CSMD1: variants seen among roughly 807,000 people sequenced by gnomAD.
The protein encoded by CSMD1 is CUB and Sushi multiple domains 1.
A neutral mutation model predicts 417.5 loss-of-function variants in CSMD1; 213 were observed. The ratio of observed to expected loss-of-function variants is 0.51; its 90% CI spans 0.46 to 0.57. The LOEUF (loss-of-function observed/expected upper bound fraction) is 0.57. Ranked by LOEUF, CSMD1 falls within the 20% of genes least tolerant of loss-of-function variation. The probability of loss-of-function intolerance (pLI) is 0.00; values close to 1 mark genes in which losing one functional copy is unlikely to be tolerated. For missense variants in CSMD1, 6,923 were observed against 4,529.7 expected (o/e 1.53, Z -15.17); for synonymous variants, 2,862 against 1,736.8 (o/e 1.65, Z -16.11).
chr8:4,795,388 C>A (rs1585111574), intron 1 of CSMD1, among the ~76,000 whole-genome samples: 2 of 148,882 alleles, frequency 1.3e-5, no homozygotes, highest in South Asian at 4.3e-4. Context: ...TCTCCTGCCT[C>A]AGCCTTCCGA....
chr8:3,606,087 G>A (rs533741632), intron 8 of CSMD1, among the ~76,000 whole-genome samples: 1 of 152,176 alleles, frequency 6.6e-6, no homozygotes, highest in South Asian at 2.1e-4. Context: ...AAAACTCAAA[G>A]ATGCTAGGAA....
intron 49 of CSMD1, among the ~76,000 whole-genome samples, chr8:3,086,726 T>G (rs2129005927): frequency 6.6e-6 from 1 of 152,270 alleles, no homozygotes; most frequent in East Asian, 1.9e-4. Context: ...AAAGAATGAG[T>G]TTTTAAACTA....
chr8:3,371,957 C>T (rs1031249933), intron 18 of CSMD1, among the ~76,000 whole-genome samples: 1 of 152,134 alleles, frequency 6.6e-6, no homozygotes, highest in Non-Finnish European at 1.5e-5. Context: ...GCAAGCTCTG[C>T]CCCCAGCATC....
In CSMD1 at chr8:4,402,568, G is replaced by A. The variant is rs541557887; in HGVS notation, c.415+17385C>T. On this transcript the variant is annotated intron_variant, in intron 3 of 69. Transcript: ENST00000635120. The stretch of plus-strand genomic sequence containing the variant: ...GCCTCTTTATTCTTCCACTCTTGAA[G>A]GGAGACTTTTATAGAAGATGCTTTG... 6.6e-5 allele frequency among the ~76,000 whole-genome samples: 10 copies of A among 152,244 alleles called. No homozygotes were observed. In the East Asian group the frequency reaches 1.9e-3, roughly 29 times the overall value.
intron 1 of CSMD1, among the ~76,000 whole-genome samples, chr8:4,833,576 A>G (rs1800280568): frequency 6.6e-6 from 1 of 152,228 alleles, no homozygotes; most frequent in East Asian, 1.9e-4. Context: ...AAACTGTGAT[A>G]TTCCAAATGG....
intron 12 of CSMD1, among the ~76,000 whole-genome samples, chr8:3,419,145 C>G (rs966833690): frequency 1.6e-4 from 24 of 152,308 alleles, no homozygotes; most frequent in African/African-American, 5.8e-4. Context: ...GCGCTGTTCT[C>G]TAATTCTTAA....
At chr8:4,099,614 A>G (rs1801202890) in intron 3 of CSMD1, among the ~76,000 whole-genome samples, 1 of 141,948 alleles carries the variant, frequency 7.0e-6, no homozygotes. Context: ...TCCCCCAATT[A>G]AAAAAAAAAA....
chr8:3,546,465 G>C (rs1006789855), intron 10 of CSMD1, among the ~76,000 whole-genome samples: 1 of 151,778 alleles, frequency 6.6e-6, no homozygotes, highest in Admixed American at 6.6e-5. Context: ...GAACCAGGGA[G>C]TCGGAGCTTG....
chr8:3,566,452 T>C (rs375493022), intron 10 of CSMD1, among the ~76,000 whole-genome samples: 4 of 152,116 alleles, frequency 2.6e-5, no homozygotes, highest in African/African-American at 9.7e-5. Flanking sequence ...GGGACCACCG[T>C]ACCGCTCCTC....
chr8:3,572,571 A>G (rs1301170912), intron 10 of CSMD1, among the ~76,000 whole-genome samples: 1 of 152,224 alleles, frequency 6.6e-6, no homozygotes, highest in Non-Finnish European at 1.5e-5. Context: ...TAACTAAACC[A>G]TTCCCTTGAT....
chr8:3,989,302 T>G (rs1447851130), intron 5 of CSMD1, among the ~76,000 whole-genome samples: 3 of 152,202 alleles, frequency 2.0e-5, no homozygotes, highest in Admixed American at 6.5e-5. Context: ...GACTACAGCC[T>G]AAGTCTCACT....
intron 33 of CSMD1, among the ~76,000 whole-genome samples, chr8:3,193,456 C>T (rs977741099): frequency 5.3e-5 from 8 of 152,098 alleles, no homozygotes; most frequent in South Asian, 2.1e-4. Context: ...CTCCACGGAA[C>T]GTCTGGGAAG....
At chr8:3,681,986 A>G (rs1799689333) in intron 7 of CSMD1, among the ~76,000 whole-genome samples, 1 of 152,222 alleles carries the variant, frequency 6.6e-6, no homozygotes, top group Admixed American at 6.5e-5. Context: ...CTGGCTAGCC[A>G]TATGTAGAAA....
chr8:4,107,904 G>A lies in CSMD1; in HGVS notation c.416-75805C>T, dbSNP rs145941481. 4.5e-4 allele frequency among the ~76,000 whole-genome samples: 69 copies of A among 152,248 alleles called. 2 individuals are homozygous for A. Among genetic ancestry groups the A allele is most frequent in the African/African-American group, 1.6e-3 (65 of 41,548 alleles). On this transcript the variant is annotated intron_variant, in intron 3 of 69. Coordinates refer to ENST00000635120, the MANE Select transcript of CSMD1 (RefSeq NM_033225.6). Reference sequence around the variant, plus strand: ...TCTTTCATCTTCCTAAATACAAACTGAAACAAATAACATTTTCGTCAAAGT... The same window carrying A: ...TCTTTCATCTTCCTAAATACAAACTAAAACAAATAACATTTTCGTCAAAGT...
chr8:4,140,208 C>T (rs1003679725), intron 3 of CSMD1, among the ~76,000 whole-genome samples: 1 of 148,540 alleles, frequency 6.7e-6, no homozygotes, highest in Non-Finnish European at 1.5e-5. Context: ...AACAAATAAA[C>T]AAAAATTCAT....
rs150701323 is a variant in CSMD1, at chr8:4,124,884, C to A, written c.416-92785G>T. Reference sequence around the variant, plus strand: ...CTCTATAGGACAGAAAAAGGAAAAGCGGAGGGGTTATAAGGAGATATAAGC... The same window carrying A: ...CTCTATAGGACAGAAAAAGGAAAAGAGGAGGGGTTATAAGGAGATATAAGC... On this transcript the variant is annotated intron_variant, in intron 3 of 69. Transcript: ENST00000635120. 4.4e-3 allele frequency among the ~76,000 whole-genome samples: 664 copies of A among 152,164 alleles called. 9 individuals are homozygous for A. The highest frequency in any genetic ancestry group is 0.015 in the African/African-American group (630 of 41,518).
At chr8:4,597,613 T>A (rs994279545) in intron 2 of CSMD1, among the ~76,000 whole-genome samples, 2 of 152,194 alleles carry the variant, frequency 1.3e-5, no homozygotes, top group Non-Finnish European at 2.9e-5. Flanking sequence ...ATGGAATATT[T>A]AAGACCAAAA....
chr8:4,978,319 G>C lies in CSMD1; in HGVS notation c.85+16013C>G, dbSNP rs954904492. On this transcript the variant is annotated intron_variant, in intron 1 of 69. Transcript: ENST00000635120. ...TCAAGGGTCCCTCTAATTTGAGTCA[G>C]GACACTCTAATCTTGGAATCTAAAG... 5.9e-5 allele frequency among the ~76,000 whole-genome samples: 9 copies of C among 152,166 alleles called. No homozygotes were observed. In the South Asian group the frequency reaches 1.5e-3, roughly 25 times the overall value.
At chr8:3,604,933 A>G (rs1034013914) in intron 8 of CSMD1, among the ~76,000 whole-genome samples, 2 of 152,212 alleles carry the variant, frequency 1.3e-5, no homozygotes, top group Non-Finnish European at 2.9e-5. Context: ...AATAAAATTT[A>G]TAATGTGCCT....
Sources: gnomAD v4.1 joint callset for allele counts (sites outside exome capture counted in the v4.1 genomes callset) on GRCh38, gnomAD v4.1.1 for gene constraint, MANE v1.5 for transcripts, NCBI Gene and HGNC (gene_info 2026-07-23, HGNC 2026-07-21) for gene names.